CDH8: variants seen among roughly 807,000 people sequenced by gnomAD.
CDH8 encodes the protein cadherin 8.
In CDH8, 17 loss-of-function variants were observed where a neutral mutation model predicts 68.1. That is an observed-to-expected ratio of 0.25 (90% CI 0.17 to 0.37). The LOEUF is 0.37. Among genes scored for constraint, CDH8 ranks in the 10% least tolerant of loss-of-function variants. The pLI is 1.00. For synonymous variants in CDH8, 372 were observed against 365.1 expected (o/e 1.02, Z -0.21); for missense variants, 763 against 999.3 (o/e 0.76, Z 3.19).
rs1156417982 is a variant in CDH8, at chr16:61,765,024, G to T, written c.1414+24322C>A. Among the ~76,000 whole-genome samples, 3 of 152,160 alleles carry T rather than the reference G, an allele frequency of 2.0e-5. 1 individual carries two copies. The highest frequency in any genetic ancestry group is 4.1e-4 in the South Asian group (2 of 4,832). On this transcript the variant is annotated intron_variant, in intron 8 of 11. Coordinates refer to ENST00000577390, the MANE Select transcript of CDH8 (RefSeq NM_001796.5). ...GATGTTTCAAGAATTAATGAAATAT[G>T]TGTAAAGAGCTGTAAACTGGATAAA...
intron 8 of CDH8, among the ~76,000 whole-genome samples, chr16:61,761,935 A>C (rs896573829): frequency 6.6e-6 from 1 of 152,146 alleles, no homozygotes; most frequent in African/African-American, 2.4e-5. Flanking sequence ...ACAGGTGTTG[A>C]GGCTACAGTG....
chr16:61,834,462 C>T (rs768229494), intron 4 of CDH8, among the ~76,000 whole-genome samples: 1 of 151,850 alleles, frequency 6.6e-6, no homozygotes, highest in Non-Finnish European at 1.5e-5. Flanking sequence ...ACACGGGGTT[C>T]TCATTGTTTC....
rs759020906 is a variant in CDH8, at chr16:61,655,684, G to A, written c.1692C>T (p.Phe564=). The change falls in exon 11 of 12, where the codon TTC becomes TTT. Residue 564 remains phenylalanine, a synonymous_variant. Coordinates refer to ENST00000577390, the MANE Select transcript of CDH8 (RefSeq NM_001796.5). ...GATAGACTTCTTGCTTCTGGCGGTT[G>A]AATCCATTATGCTTTGCCAAAATAC... The part of the protein sequence containing the change: ...SLSILAKHNG[F]NRQKQEVYLL... 6.2e-7 allele frequency: 1 copy of A among 1,613,868 alleles called. No homozygotes were observed. Among genetic ancestry groups the A allele is most frequent in the Admixed American group, 1.7e-5 (1 of 60,010 alleles).
chr16:61,749,701 T>C (rs552644214), intron 8 of CDH8, among the ~76,000 whole-genome samples: 1 of 152,138 alleles, frequency 6.6e-6, no homozygotes, highest in African/African-American at 2.4e-5. Context: ...CCCTTGTTTA[T>C]TTGTCCCCGT....
At chr16:61,659,777 G>A (rs1030471491) in intron 10 of CDH8, among the ~76,000 whole-genome samples, 8 of 152,256 alleles carry the variant, frequency 5.3e-5, no homozygotes, top group Middle Eastern at 6.8e-3. Flanking sequence ...TTTTGCCCAG[G>A]GGGGTGGAAA....
chr16:61,838,967 C>G (rs964425647), intron 4 of CDH8, among the ~76,000 whole-genome samples: 3 of 152,204 alleles, frequency 2.0e-5, no homozygotes, highest in Middle Eastern at 6.8e-3. Context: ...GAAATATATA[C>G]TTTTCCTGCT....
intron 9 of CDH8, chr16:61,725,643 T>C (rs1959338391): frequency 6.6e-6 from 1 of 150,798 alleles, no homozygotes; most frequent in Non-Finnish European, 1.5e-5. Context: ...GTAAATGATA[T>C]GTATTGATAT....
intron 7 of CDH8, among the ~76,000 whole-genome samples, chr16:61,794,954 A>G (rs945163835): frequency 6.6e-6 from 1 of 151,284 alleles, no homozygotes; most frequent in African/African-American, 2.4e-5. Context: ...CCTCCTCCCC[A>G]CCCCCATACC....
At chr16:61,960,348 T>C (rs757087239) in intron 2 of CDH8, among the ~76,000 whole-genome samples, 1 of 28,802 alleles carries the variant, frequency 3.5e-5, no homozygotes. Flanking sequence ...CATATATACA[T>C]GTGTGTGTGT....
intron 4 of CDH8, among the ~76,000 whole-genome samples, chr16:61,828,997 T>G (rs1247040592): frequency 6.6e-6 from 1 of 151,824 alleles, no homozygotes; most frequent in Admixed American, 6.6e-5. Context: ...TATTCTACAA[T>G]TGCTCCCACA....
chr16:61,765,490 G>A (rs1007467812), intron 8 of CDH8, among the ~76,000 whole-genome samples: 1 of 151,952 alleles, frequency 6.6e-6, no homozygotes, highest in Admixed American at 6.6e-5. Context: ...TTGTGTCTGG[G>A]TAAAATGCCA....
chr16:61,821,304 C>T (rs1962210203), intron 5 of CDH8, among the ~76,000 whole-genome samples, 191 bp from the exon 6 acceptor site: 1 of 152,034 alleles, frequency 6.6e-6, no homozygotes, highest in African/African-American at 2.4e-5. Flanking sequence ...CAGAGAAAAA[C>T]AGTTCCCAGA....
intron 1 of CDH8, among the ~76,000 whole-genome samples, chr16:62,029,571 T>C (rs1008385730): frequency 1.1e-4 from 17 of 152,230 alleles, no homozygotes; most frequent in Non-Finnish European, 1.9e-4. Context: ...GACATGACAT[T>C]GTCCATGACT....
intron 9 of CDH8, among the ~76,000 whole-genome samples, chr16:61,721,103 C>A (rs1229188527): frequency 6.6e-6 from 1 of 150,412 alleles, no homozygotes; most frequent in Non-Finnish European, 1.5e-5. Flanking sequence ...AAGCTCCAAA[C>A]CCTCCAATAT....
chr16:61,994,581 G>A (rs1965779244), intron 2 of CDH8, among the ~76,000 whole-genome samples: 1 of 152,158 alleles, frequency 6.6e-6, no homozygotes, highest in Non-Finnish European at 1.5e-5. Context: ...ACACACAACA[G>A]CTACCAAAAT....
At chr16:61,873,578 A>T (rs1226648155) in intron 3 of CDH8, among the ~76,000 whole-genome samples, 1 of 152,260 alleles carries the variant, frequency 6.6e-6, no homozygotes, top group Non-Finnish European at 1.5e-5. Flanking sequence ...GGGTCAACTT[A>T]TGAATTTTTG....
intron 10 of CDH8, among the ~76,000 whole-genome samples, chr16:61,674,947 A>C (rs1198919938): frequency 4.0e-5 from 6 of 151,120 alleles, no homozygotes; most frequent in Non-Finnish European, 4.4e-5. Context: ...CAGAAAGCAA[A>C]AAAAAAAAAA....
intron 8 of CDH8, among the ~76,000 whole-genome samples, chr16:61,779,914 G>A (rs1961003505): frequency 2.6e-5 from 4 of 152,116 alleles, no homozygotes; most frequent in Admixed American, 2.6e-4. Context: ...AAGATAAAGA[G>A]GAAAGAAGAT....
chr16:61,904,159 C>T (rs1387559311), intron 2 of CDH8, among the ~76,000 whole-genome samples: 1 of 152,070 alleles, frequency 6.6e-6, no homozygotes, highest in East Asian at 1.9e-4. Flanking sequence ...GTTCAGGTAA[C>T]CAACTTGATA....
Sources: allele counts gnomAD v4.1 joint callset (sites outside exome capture counted in the v4.1 genomes callset), GRCh38; gene constraint gnomAD v4.1.1; transcripts MANE v1.5; gene names NCBI Gene and HGNC (gene_info 2026-07-23, HGNC 2026-07-21).